Variants in ACYP2 observed in about 807,000 individuals in gnomAD.
ACYP2 encodes acylphosphatase-2.
A neutral mutation model predicts 11.2 loss-of-function variants in ACYP2; 12 were observed. The ratio of observed to expected loss-of-function variants is 1.08; its 90% confidence interval spans 0.69 to 1.74. The LOEUF (loss-of-function observed/expected upper bound fraction) is 1.74. Ranked by LOEUF, ACYP2 falls within the 40% of genes most tolerant of loss-of-function variation. ACYP2 has a pLI of 0.00. For missense variants in ACYP2, 134 were observed against 101.9 expected, an observed-to-expected ratio of 1.31 and a Z score of -1.35; for synonymous variants, 43 against 32.2, an observed-to-expected ratio of 1.33 and a Z score of -1.13.
In ACYP2 at chr2:54,027,583, A is replaced by G. The variant is rs556956112; in HGVS notation, c.63-23375A>G. ...AAAACTTATACTAAATAATTTTGTT[A>G]TGCTTTTCTCTTGTTAATCTGTCTT... On this transcript the variant is annotated intron_variant, in intron 2 of 6. Coordinates refer to ENST00000607452, the MANE Select transcript of ACYP2 (RefSeq NM_001320586.2). 9.9e-5 allele frequency among the ~76,000 whole-genome samples: 15 copies of G among 152,282 alleles called. No homozygotes were observed. The East Asian group carries it at 2.9e-3, about 29-fold the overall frequency.
At chr2:54,263,626 A>G (rs1195724634) in intron 6 of ACYP2, among the ~76,000 whole-genome samples, 1 of 152,166 alleles carries the variant, frequency 6.6e-6, no homozygotes. Flanking sequence ...CCCTGTCGAA[A>G]AAAAAGCTTT....
chr2:54,211,535 G>T (rs1335109815), intron 6 of ACYP2, among the ~76,000 whole-genome samples: 2 of 152,176 alleles, frequency 1.3e-5, no homozygotes, highest in Non-Finnish European at 2.9e-5. Context: ...GGGAAGCTCA[G>T]CTTTGGTGTC....
intron 6 of ACYP2, among the ~76,000 whole-genome samples, chr2:54,212,136 G>C (rs112660447): frequency 2.6e-5 from 4 of 151,976 alleles, no homozygotes; most frequent in Non-Finnish European, 5.9e-5. Flanking sequence ...GGCAAATTTT[G>C]GATTTTTTTT....
chr2:54,034,964 C>G (rs1041488446), intron 2 of ACYP2, among the ~76,000 whole-genome samples: 9 of 139,286 alleles, frequency 6.5e-5, no homozygotes, highest in African/African-American at 2.4e-4. Flanking sequence ...GAGCTGAGAT[C>G]ATGCCACTGC....
rs577701373 is a variant in ACYP2, at chr2:54,069,190, C to T, written c.277+11830C>T. Among the ~76,000 whole-genome samples, 288 of 152,218 alleles carry T rather than the reference C, an allele frequency of 1.9e-3. 3 individuals are homozygous for T. Among genetic ancestry groups the T allele is most frequent in the African/African-American group, 6.7e-3 (277 of 41,544 alleles). ...AAACAATCCGCCTGCCCAGGCCTCC[C>T]GAAGTGCTGGGATTACAGGTGTCAG... On this transcript the variant is annotated intron_variant, in intron 4 of 6. Transcript: ENST00000607452.
At chr2:54,159,077 T>A (rs1030054497) in intron 6 of ACYP2, among the ~76,000 whole-genome samples, 1 of 152,080 alleles carries the variant, frequency 6.6e-6, no homozygotes, top group African/African-American at 2.4e-5. Context: ...TAAAACCATG[T>A]GTTATAGGTT....
At chr2:54,099,290 C>T (rs1678759591) in intron 4 of ACYP2, among the ~76,000 whole-genome samples, 1 of 152,180 alleles carries the variant, frequency 6.6e-6, no homozygotes, top group Non-Finnish European at 1.5e-5. Flanking sequence ...GTGGTGAGAA[C>T]ACTTCGAATC....
chr2:54,221,070 T>C (rs994894344), intron 6 of ACYP2, among the ~76,000 whole-genome samples: 3 of 152,214 alleles, frequency 2.0e-5, no homozygotes, highest in African/African-American at 7.2e-5. Flanking sequence ...CTTCAGTTTT[T>C]TTCACTGGTC....
chr2:54,226,812 T>C (rs1306883458), intron 6 of ACYP2, among the ~76,000 whole-genome samples: 1 of 152,228 alleles, frequency 6.6e-6, no homozygotes, highest in Non-Finnish European at 1.5e-5. Flanking sequence ...CAAAATTATT[T>C]CTAAATTAGA....
chr2:54,230,876 G>C (rs1005279203), intron 6 of ACYP2, among the ~76,000 whole-genome samples: 1 of 147,638 alleles, frequency 6.8e-6, no homozygotes, highest in African/African-American at 2.5e-5. Flanking sequence ...TGTCCCCCAG[G>C]CTGGAGTGCA....
intron 6 of ACYP2, among the ~76,000 whole-genome samples, chr2:54,201,668 T>C (rs1572927674): frequency 9.1e-6 from 1 of 109,928 alleles, no homozygotes; most frequent in African/African-American, 3.5e-5. Context: ...CTTTCTTTCT[T>C]TCTTTCTTTC....
chr2:54,271,148 C>A (rs903070816), intron 6 of ACYP2, among the ~76,000 whole-genome samples: 11 of 152,160 alleles, frequency 7.2e-5, no homozygotes, highest in Non-Finnish European at 1.0e-4. Flanking sequence ...GACTTTGAAC[C>A]AAGGATGATA....
intron 6 of ACYP2, among the ~76,000 whole-genome samples, chr2:54,250,229 A>G (rs562313499): frequency 6.6e-6 from 1 of 152,208 alleles, no homozygotes; most frequent in African/African-American, 2.4e-5. Context: ...CTATAATCCC[A>G]GCACTTTGGG....
intron 2 of ACYP2, among the ~76,000 whole-genome samples, chr2:54,040,262 G>A (rs545539450): frequency 1.4e-4 from 22 of 152,182 alleles, no homozygotes; most frequent in Admixed American, 6.5e-4. Flanking sequence ...TCTGCAACTC[G>A]GGAAAAGAAG....
At chr2:54,262,560 T>C (rs190195122) in intron 6 of ACYP2, among the ~76,000 whole-genome samples, 102 of 152,308 alleles carry the variant, frequency 6.7e-4, no homozygotes, top group African/African-American at 2.4e-3. Flanking sequence ...ATTGATGATG[T>C]CATCATTACC....
intron 6 of ACYP2, chr2:54,256,282 AC>A: frequency 1.0e-6 from 1 of 983,250 alleles, no homozygotes; most frequent in Non-Finnish European, 1.5e-6. Context: ...CGCGACACCC[AC>A]CCCTCAGTCT....
chr2:54,243,736 A>G (rs1686829728), intron 6 of ACYP2, among the ~76,000 whole-genome samples: 1 of 151,766 alleles, frequency 6.6e-6, no homozygotes. Context: ...CGGCTGGTTA[A>G]TTTTTGTATC....
chr2:54,057,279 G>A lies in ACYP2; in HGVS notation c.196G>A (p.Val66Ile). 2.5e-6 allele frequency: 1 copy of A among 398,006 alleles called. No individual in the cohort carries two copies. The highest frequency in any genetic ancestry group is 4.4e-5 in the Admixed American group (1 of 22,730). 24.7% of individuals were successfully genotyped at this position (398,006 alleles called of 1,614,324 possible). The change falls in exon 4 of 7, where the codon GTC (valine) becomes ATC (isoleucine). Residue 66 changes from valine (V) to isoleucine (I), a missense_variant. Coordinates refer to ENST00000607452, the MANE Select transcript of ACYP2 (RefSeq NM_001320586.2). Reference sequence around the variant, plus strand: ...ATTATCAGAGTTTGGTTTTGGTCAAGTCATAATTGTGAGTGAAGAACCATG... The same window carrying A: ...ATTATCAGAGTTTGGTTTTGGTCAAATCATAATTGTGAGTGAAGAACCATG...
rs182873467 is a variant in ACYP2, at chr2:54,252,091, G to A, written c.405-52597G>A. On this transcript the variant is annotated intron_variant, in intron 6 of 6. Coordinates refer to ENST00000607452, the MANE Select transcript of ACYP2 (RefSeq NM_001320586.2). Reference sequence around the variant, plus strand: ...AATCTCAGACCCGTCACTGTCCTTGGTAGTAAGCACTATTCTGACTTCTAC... The same window carrying A: ...AATCTCAGACCCGTCACTGTCCTTGATAGTAAGCACTATTCTGACTTCTAC... Among the ~76,000 whole-genome samples the A allele has an allele frequency of 5.6e-4, 85 of 152,266 alleles. 1 individual carries two copies. Among genetic ancestry groups the A allele is most frequent in the African/African-American group, 1.9e-3 (80 of 41,554 alleles).
Sources: allele counts gnomAD v4.1 joint callset (sites outside exome capture counted in the v4.1 genomes callset), GRCh38; gene constraint gnomAD v4.1.1; transcripts MANE v1.5; gene names NCBI Gene and HGNC (gene_info 2026-07-23, HGNC 2026-07-21).